BRD3: variants seen among roughly 807,000 people sequenced by gnomAD.
BRD3 encodes bromodomain-containing protein 3.
A neutral mutation model predicts 66.8 loss-of-function variants in BRD3; 17 were observed. That is an observed-to-expected ratio of 0.25 (90% confidence interval 0.17 to 0.38). BRD3 has a LOEUF of 0.38. Among genes scored for constraint, BRD3 ranks in the 10% least tolerant of loss-of-function variants. BRD3 has a pLI of 1.00. For missense variants in BRD3, 713 were observed against 956.1 expected, an observed-to-expected ratio of 0.75 and a Z score of 3.35; for synonymous variants, 421 against 393.2, an observed-to-expected ratio of 1.07 and a Z score of -0.84.
chr9:134,051,843 ATATATG>A, intron 3 of BRD3, 134 bp from the exon 4 acceptor site: 1 of 762,644 alleles, frequency 1.3e-6, no homozygotes, highest in South Asian at 1.9e-5. Flanking sequence ...AACAAAATGA[ATATATG>A]TGTGTGTGTG....
At position 134,051,897 on chromosome 9, in the gene BRD3, T is replaced by G. The variant is rs1316365472; in HGVS notation, c.352-188A>C. Among the ~76,000 whole-genome samples, 32 of 133,658 alleles carry G rather than the reference T, an allele frequency of 2.4e-4. 1 individual carries two copies. The highest frequency in any genetic ancestry group is 5.8e-4 in the Admixed American group (8 of 13,904). The allele number at this position is 133,658 out of a possible 152,430, so 87.7% of individuals were successfully genotyped here. On this transcript the variant is annotated intron_variant, in intron 3 of 11. Coordinates refer to ENST00000303407, the MANE Select transcript of BRD3 (RefSeq NM_007371.4). The stretch of plus-strand genomic sequence containing the variant: ...TGTGTGTTGTTTTTTTTGTTTTTTT[T>G]TTTTTTTTTTTGAGATGGAGTCTTG...
At chr9:134,058,414 C>G (rs959507539) in intron 1 of BRD3, 12 of 152,342 alleles carry the variant, frequency 7.9e-5, no homozygotes, top group African/African-American at 2.7e-4. Flanking sequence ...ACATTCAGAA[C>G]ATGTCTGCCC....
chr9:134,036,173 T>C lies in BRD3; in HGVS notation c.1795A>G (p.Ile599Val). The C allele has an allele frequency of 6.2e-7, 1 of 1,614,222 alleles. No homozygotes were observed. The highest frequency in any genetic ancestry group is 8.5e-7 in the Non-Finnish European group (1 of 1,180,042). Residue 599 changes from isoleucine to valine, a missense_variant, in exon 10 of 12, where the codon ATC becomes GTC. Around this residue, in one of 5 missense-constraint regions of BRD3, gnomAD observed 418 missense variants for 609.3 expected, o/e 0.69. Coordinates refer to ENST00000303407, the MANE Select transcript of BRD3 (RefSeq NM_007371.4). ...GEKLGRVVHI[I>V]QSREPSLRDS... is the part of the protein sequence containing the mutation. Reference sequence around the variant, plus strand: ...CTGAGCGAGGGCTCCCGAGATTGGATGATGTGCACTACCCGGCCCAGCTTC... The same window carrying C: ...CTGAGCGAGGGCTCCCGAGATTGGACGATGTGCACTACCCGGCCCAGCTTC...
At chr9:134,063,444 C>G (rs1252874704) in intron 1 of BRD3, among the ~76,000 whole-genome samples, 1 of 152,218 alleles carries the variant, frequency 6.6e-6, no homozygotes, top group Non-Finnish European at 1.5e-5. Flanking sequence ...CCCCTTTGCA[C>G]ATTTTGCTCC....
At chr9:134,066,656 C>T (rs72766638) in intron 1 of BRD3, among the ~76,000 whole-genome samples, 1 of 152,064 alleles carries the variant, frequency 6.6e-6, no homozygotes, top group African/African-American at 2.4e-5. Flanking sequence ...TCTTCTGTTC[C>T]TTCTCACAGG....
intron 2 of BRD3, among the ~76,000 whole-genome samples, chr9:134,052,681 G>A (rs1483215287): frequency 6.6e-6 from 1 of 152,176 alleles, no homozygotes; most frequent in Non-Finnish European, 1.5e-5. Flanking sequence ...ACGGAGTTAG[G>A]GCAGACCCCA....
rs2073818 is a variant in BRD3, at chr9:134,053,540, C to A, written c.-63G>T. 425,395 of 1,477,886 alleles carry A rather than the reference C, an allele frequency of 0.29. 66,773 individuals are homozygous for A. Among genetic ancestry groups the A allele is most frequent in the East Asian group, 0.6 (24,603 of 40,908 alleles). 91.5% of individuals were successfully genotyped at this position (1,477,886 alleles called of 1,614,324 possible). A position where few individuals can be genotyped will look rare whatever the true frequency, so the allele number is the denominator to read the frequency against. Reference sequence around the variant, plus strand: ...CTTGGAGAGGCCCTGGCTGCTTCTACGCTCCCTGAGAAAGCGCGACGTCCC... The same window carrying A: ...CTTGGAGAGGCCCTGGCTGCTTCTAAGCTCCCTGAGAAAGCGCGACGTCCC... On this transcript the variant is annotated 5_prime_UTR_variant, in exon 2 of 12. Transcript: ENST00000303407.
intron 10 of BRD3, among the ~76,000 whole-genome samples, chr9:134,035,398 T>C (rs1843584984): frequency 6.6e-6 from 1 of 152,170 alleles, no homozygotes; most frequent in Admixed American, 6.5e-5. Flanking sequence ...CTGCACTCAC[T>C]TGACAGCCTA....
chr9:134,051,868 TGTGTG>T (rs1459223016), intron 3 of BRD3, among the ~76,000 whole-genome samples, 159 bp from the exon 4 acceptor site: 24 of 114,034 alleles, frequency 2.1e-4, no homozygotes, highest in African/African-American at 8.3e-4. Context: ...TGTGTGTGTG[TGTGTG>T]TGTGTTGTTT....
intron 1 of BRD3, among the ~76,000 whole-genome samples, chr9:134,067,390 G>A (rs1830684875): frequency 1.8e-5 from 2 of 114,120 alleles, no homozygotes; most frequent in South Asian, 2.8e-4. Flanking sequence ...ACGGTCCCCA[G>A]GCGCGGGCCC....
intron 7 of BRD3, among the ~76,000 whole-genome samples, chr9:134,044,769 A>G (rs761456872): frequency 6.6e-6 from 1 of 152,182 alleles, no homozygotes; most frequent in Non-Finnish European, 1.5e-5. Context: ...CTGCGCTGAG[A>G]GCTAGACCAA....
At chr9:134,048,952 A>G (rs1040863351) in intron 5 of BRD3, among the ~76,000 whole-genome samples, 10 of 152,154 alleles carry the variant, frequency 6.6e-5, no homozygotes, top group Admixed American at 3.3e-4. Context: ...AGAGGGAGGC[A>G]GGAGAGCATT....
chr9:134,065,978 G>A (rs930624170), intron 1 of BRD3, among the ~76,000 whole-genome samples: 4 of 152,086 alleles, frequency 2.6e-5, no homozygotes, highest in Non-Finnish European at 5.9e-5. Flanking sequence ...GGCACTGTTT[G>A]CAAGTCCCGT....
chr9:134,032,869 T>G lies in BRD3; in HGVS notation c.*721A>C. The G allele has an allele frequency of 2.6e-4, 20 of 75,548 alleles. No individual in the cohort carries two copies. The highest frequency in any genetic ancestry group is 6.8e-3 in the Middle Eastern group (1 of 146). The allele number at this position is 75,548 out of a possible 1,614,324, so 4.7% of individuals were successfully genotyped here. On this transcript the variant is annotated 3_prime_UTR_variant, in exon 12 of 12. Coordinates refer to ENST00000303407, the MANE Select transcript of BRD3 (RefSeq NM_007371.4). Reference sequence around the variant, plus strand: ...TTTTTTTTTTTTAAATCTTTTCTTCTTTTTTTTTTTTTAAAGTTGAGGTAA... The same window carrying G: ...TTTTTTTTTTTTAAATCTTTTCTTCGTTTTTTTTTTTTAAAGTTGAGGTAA...
rs940145002 is a variant in BRD3 at position 134,034,875 on chromosome 9, G to T, written c.1937-46C>A. The T allele has an allele frequency of 3.7e-6, 6 of 1,606,168 alleles. No individual in the cohort carries two copies. In the East Asian group the frequency reaches 1.3e-4, roughly 36 times the overall value. ...ACTCAGACTGCAGAGCAGACCGATG[G>T]GGCAGGAGCCAGGGCTGCATCCAGG... On this transcript the variant is annotated intron_variant, in intron 10 of 11. Coordinates refer to ENST00000303407, the MANE Select transcript of BRD3 (RefSeq NM_007371.4).
chr9:134,061,447 A>C (rs1830542534), intron 1 of BRD3, among the ~76,000 whole-genome samples: 1 of 152,222 alleles, frequency 6.6e-6, no homozygotes, highest in East Asian at 1.9e-4. Flanking sequence ...ATAGCTCTGC[A>C]GGGGCTCAAC....
intron 1 of BRD3, among the ~76,000 whole-genome samples, chr9:134,065,767 G>C (rs538493323): frequency 1.7e-4 from 26 of 152,350 alleles, no homozygotes; most frequent in Admixed American, 1.6e-3. Context: ...CTCAGGGAAA[G>C]TGGTGGCACT....
At chr9:134,066,832 C>G (rs1010676968) in intron 1 of BRD3, among the ~76,000 whole-genome samples, 1 of 152,214 alleles carries the variant, frequency 6.6e-6, no homozygotes, top group African/African-American at 2.4e-5. Context: ...GAGCAGAAAG[C>G]TTTCAACCAA....
At chr9:134,044,466 GA>G (rs1830125640) in intron 7 of BRD3, among the ~76,000 whole-genome samples, 1 of 152,154 alleles carries the variant, frequency 6.6e-6, no homozygotes, top group African/African-American at 2.4e-5. Flanking sequence ...CCGTGAAAAG[GA>G]AAAGCATGCT....
Sources: gnomAD v4.1 joint callset for allele counts (sites outside exome capture counted in the v4.1 genomes callset) on GRCh38, gnomAD v4.1.1 for gene constraint, gnomAD v4.1.1 regional missense constraint, MANE v1.5 for transcripts, NCBI Gene and HGNC (gene_info 2026-07-23, HGNC 2026-07-21) for gene names.